ALDH1L1: variants seen among roughly 807,000 people sequenced by gnomAD.
The protein encoded by ALDH1L1 is aldehyde dehydrogenase 1 family member L1.
A neutral mutation model predicts 101.1 loss-of-function variants in ALDH1L1; 68 were observed. That is an observed-to-expected ratio of 0.67 (90% CI 0.55 to 0.82). The LOEUF (loss-of-function observed/expected upper bound fraction) is 0.82, where lower values mean the gene tolerates loss of function less well. Ranked by LOEUF, ALDH1L1 falls within the 40% of genes least tolerant of loss-of-function variation. The pLI, the probability that ALDH1L1 is intolerant of heterozygous loss-of-function variation, is 0.00. For missense variants in ALDH1L1, 1,087 were observed against 1,172.7 expected (o/e 0.93, Z 1.07); for synonymous variants, 486 against 470.8 (o/e 1.03, Z -0.42).
intron 20 of ALDH1L1, among the ~76,000 whole-genome samples, chr3:126,108,333 G>A (rs535873504): frequency 6.6e-6 from 1 of 152,210 alleles, no homozygotes; most frequent in Non-Finnish European, 1.5e-5. Flanking sequence ...TGGGCTGCAG[G>A]AATTCTGTTC....
Position 126,157,348 on chromosome 3 carries a change from C to T in ALDH1L1, c.523G>A (p.Gly175Arg). The change falls in exon 4 of 23, where the codon GGG (glycine) becomes AGG (arginine). Residue 175 changes from glycine (G) to arginine (R), a missense_variant. This residue lies in a region of ALDH1L1 where 645 missense variants were observed against 637.0 expected (regional missense o/e 1.01). Coordinates refer to ENST00000393434, the MANE Select transcript of ALDH1L1 (RefSeq NM_012190.4). The stretch of plus-strand genomic sequence containing the variant: ...GGCCGGCTCCAGGTCCTCACCATCC[C>T]TTTGATGCCTTCAGGGAAGAGGAAG... ...NRFLFPEGIK[G>R]MVQAVRLIAE... 6.2e-7 allele frequency: 1 copy of T among 1,611,296 alleles called. No individual in the cohort carries two copies. The highest frequency in any genetic ancestry group is 8.5e-7 in the Non-Finnish European group (1 of 1,178,082).
rs1346066050 is a variant in ALDH1L1 at position 126,107,255 on chromosome 3, G to C, written c.2348-9C>G. The C allele has an allele frequency of 6.2e-6, 10 of 1,610,824 alleles. No homozygotes were observed. The highest frequency in any genetic ancestry group is 7.6e-6 in the Non-Finnish European group (9 of 1,177,696). On this transcript the variant is annotated splice_polypyrimidine_tract_variant and intron_variant, in intron 20 of 22. Coordinates refer to ENST00000393434, the MANE Select transcript of ALDH1L1 (RefSeq NM_012190.4). Reference sequence around the variant, plus strand: ...TGGCTCAAAGAAGAACCCTGCAAGAGAGATAAAAGCCCGTTGCACATGGGA... The same window carrying C: ...TGGCTCAAAGAAGAACCCTGCAAGACAGATAAAAGCCCGTTGCACATGGGA...
At chr3:126,121,582 C>A (rs2080079920) in intron 16 of ALDH1L1, among the ~76,000 whole-genome samples, 2 of 152,204 alleles carry the variant, frequency 1.3e-5, no homozygotes, top group African/African-American at 2.4e-5. Flanking sequence ...GCCCTGCGGA[C>A]AATTCCCCAG....
upstream of ALDH1L1, chr3:126,181,224 G>C (rs1406792103): frequency 1.7e-6 from 1 of 594,358 alleles, no homozygotes; most frequent in Non-Finnish European, 3.0e-6. Flanking sequence ...GGCCAGCCCG[G>C]TCTCAGGCAA....
At chr3:126,180,887 G>C, upstream of ALDH1L1, 1 of 1,587,440 alleles carries the variant, frequency 6.3e-7, no homozygotes, top group African/African-American at 1.3e-5. Context: ...AGGCTAAGTG[G>C]GTCAGAGGAG....
chr3:126,195,238 T>C (rs896696316), intron 1 of ALDH1L1, among the ~76,000 whole-genome samples: 1 of 152,182 alleles, frequency 6.6e-6, no homozygotes, highest in Non-Finnish European at 1.5e-5. Flanking sequence ...TTAGACCAAA[T>C]ATCTTTATTT....
At chr3:126,164,789 A>G (rs1404627955) in intron 1 of ALDH1L1, among the ~76,000 whole-genome samples, 1 of 152,166 alleles carries the variant, frequency 6.6e-6, no homozygotes, top group Admixed American at 6.5e-5. Flanking sequence ...AGAAATCTCT[A>G]AACTTTTCTT....
At chr3:126,155,587 C>T in intron 4 of ALDH1L1, 84 bp from the exon 5 acceptor site, 1 of 1,206,748 alleles carries the variant, frequency 8.3e-7, no homozygotes, top group Non-Finnish European at 1.1e-6. Flanking sequence ...AGCCTGGACC[C>T]TTCCCCAGAC....
At chr3:126,184,106 C>T (rs1278941365), upstream of ALDH1L1, among the ~76,000 whole-genome samples, 2 of 152,184 alleles carry the variant, frequency 1.3e-5, no homozygotes, top group Non-Finnish European at 2.9e-5. Flanking sequence ...ATTTCCGAAT[C>T]CATCCTTTCA....
In ALDH1L1 at chr3:126,125,731, A is replaced by G. The variant is rs758816420; in HGVS notation, c.1695-10T>C. 1.3e-6 allele frequency: 2 copies of G among 1,531,206 alleles called. No individual in the cohort carries two copies. The highest frequency in any genetic ancestry group is 1.8e-6 in the Non-Finnish European group (2 of 1,132,660). 94.9% of individuals were successfully genotyped at this position (1,531,206 alleles called of 1,614,324 possible). On this transcript the variant is annotated splice_polypyrimidine_tract_variant and intron_variant, in intron 14 of 22. Coordinates refer to ENST00000393434, the MANE Select transcript of ALDH1L1 (RefSeq NM_012190.4). ...GATGATGCCACAAACCCTGCCACAC[A>G]AAAGAGGTTGGCCTTTGTCCTTCTT... is the stretch of plus-strand genomic sequence containing the variant.
chr3:126,137,102 G>A (rs2080462795), intron 10 of ALDH1L1, among the ~76,000 whole-genome samples: 1 of 152,018 alleles, frequency 6.6e-6, no homozygotes, highest in African/African-American at 2.4e-5. Flanking sequence ...GTGCCACCTT[G>A]GGCTGGCTCC....
intron 1 of ALDH1L1, among the ~76,000 whole-genome samples, chr3:126,168,521 A>G (rs2081212255): frequency 6.6e-6 from 1 of 152,178 alleles, no homozygotes; most frequent in Admixed American, 6.5e-5. Flanking sequence ...TTGTTATCTC[A>G]TCATTTTAGC....
At chr3:126,143,203 T>C (rs1471617199) in intron 9 of ALDH1L1, among the ~76,000 whole-genome samples, 1 of 152,252 alleles carries the variant, frequency 6.6e-6, no homozygotes, top group African/African-American at 2.4e-5. Flanking sequence ...TAATTTCTAC[T>C]GAATTCGTAT....
chr3:126,166,631 T>A (rs1405886308), intron 1 of ALDH1L1, among the ~76,000 whole-genome samples: 3 of 152,284 alleles, frequency 2.0e-5, no homozygotes, highest in Admixed American at 2.0e-4. Flanking sequence ...TAAAATTTCA[T>A]AAACCATGTT....
intron 6 of ALDH1L1, among the ~76,000 whole-genome samples, chr3:126,154,051 G>C (rs1347176971): frequency 2.0e-5 from 3 of 152,196 alleles, no homozygotes; most frequent in African/African-American, 7.2e-5. Flanking sequence ...TGGAGAGTCT[G>C]AGACTGTGTG....
chr3:126,155,562 C>T (rs2080888927), intron 4 of ALDH1L1, 59 bp from the exon 5 acceptor site: 3 of 1,480,718 alleles, frequency 2.0e-6, no homozygotes, highest in Non-Finnish European at 2.8e-6. Flanking sequence ...CTTCCCAGCC[C>T]CAGGGCCCAC....
chr3:126,160,962 A>C lies in ALDH1L1; in HGVS notation c.18T>G (p.Ile6Met), dbSNP rs776279447. Reference sequence around the variant, plus strand: ...CTTCCTGGCCAAACAGGCTCTGTCCAATCACTGCAATCTTCATGGTAGCAG... The same window carrying C: ...CTTCCTGGCCAAACAGGCTCTGTCCCATCACTGCAATCTTCATGGTAGCAG... Reference protein sequence around the residue: MKIAVIGQSLFGQEVY... With the variant: MKIAVMGQSLFGQEVY... Residue 6 changes from isoleucine (I) to methionine (M), a missense_variant, in exon 2 of 23, where the codon ATT (isoleucine) becomes ATG (methionine). Physicochemically the swap from Ile to Met is conservative, Grantham distance 10 (BLOSUM62 1). Around this residue, in one of 2 missense-constraint regions of ALDH1L1, gnomAD observed 645 missense variants for 637.0 expected, o/e 1.01. Transcript: ENST00000393434. The C allele has an allele frequency of 1.9e-6, 3 of 1,614,054 alleles. No homozygotes were observed. In the African/African-American group the frequency reaches 4.0e-5, roughly 22 times the overall value.
At chr3:126,119,197 G>A (rs2080032603) in intron 16 of ALDH1L1, among the ~76,000 whole-genome samples, 1 of 152,044 alleles carries the variant, frequency 6.6e-6, no homozygotes, top group South Asian at 2.1e-4. Flanking sequence ...AGGCTTCCAA[G>A]GGCCATCTTC....
chr3:126,154,418 A>C, intron 6 of ALDH1L1, 136 bp downstream of exon 6: 1 of 855,354 alleles, frequency 1.2e-6, no homozygotes, highest in Non-Finnish European at 1.9e-6. Flanking sequence ...TGGGATGTTT[A>C]GGGGGCACCC....
Sources: gnomAD v4.1 joint callset for allele counts (sites outside exome capture counted in the v4.1 genomes callset) on GRCh38, gnomAD v4.1.1 for gene constraint, gnomAD v4.1.1 regional missense constraint, MANE v1.5 for transcripts, NCBI Gene and HGNC (gene_info 2026-07-23, HGNC 2026-07-21) for gene names.